The following CYFIP2 variants were observed in gnomAD, a reference collection of about 807,000 sequenced individuals.
CYFIP2 encodes cytoplasmic FMR1 interacting protein 2, also known as cytoplasmic FMR1-interacting protein 2.
Under a neutral mutation model 158.7 loss-of-function variants are expected in CYFIP2, and 29 were observed. The ratio of observed to expected loss-of-function variants is 0.18; its 90% CI spans 0.14 to 0.25. CYFIP2 has a LOEUF of 0.25. Among genes scored for constraint, CYFIP2 ranks in the 10% least tolerant of loss-of-function variants. The pLI is 1.00. For synonymous variants in CYFIP2, 585 were observed against 617.6 expected, an observed-to-expected ratio of 0.95 and a Z score of 0.78; for missense variants, 852 against 1,639.5, an observed-to-expected ratio of 0.52 and a Z score of 8.29.
chr5:157,302,708 T>C, intron 6 of CYFIP2, 86 bp from the exon 7 acceptor site: 1 of 953,112 alleles, frequency 1.0e-6, no homozygotes, highest in South Asian at 1.6e-5. Context: ...CACTCTGTGT[T>C]AGGTGGGCAT....
chr5:157,302,867 G>T lies in CYFIP2; in HGVS notation c.643G>T (p.Ala215Ser). 1 of 1,582,024 alleles carries T rather than the reference G, an allele frequency of 6.3e-7. No homozygotes were observed. Among genetic ancestry groups the T allele is most frequent in the Non-Finnish European group, 8.6e-7 (1 of 1,163,712 alleles). The change falls in exon 7 of 31, where the codon GCC becomes TCC. Residue 215 changes from alanine (A) to serine (S), a missense_variant. This residue lies in a region of CYFIP2 where 123 missense variants were observed against 316.7 expected (regional missense o/e 0.39). Coordinates refer to ENST00000620254, the MANE Select transcript of CYFIP2 (RefSeq NM_001037333.3). ...QESQNLSMFLANHNRITQCLH... is the reference protein window; with the variant it reads ...QESQNLSMFLSNHNRITQCLH... ...GTCGCAGAACCTTTCCATGTTCCTG[G>T]CCAACCACAACAGGATCACCCAGGT...
intron 26 of CYFIP2, among the ~76,000 whole-genome samples, chr5:157,366,322 G>A (rs1764369310): frequency 1.3e-5 from 2 of 152,202 alleles, no homozygotes; most frequent in African/African-American, 4.8e-5. Context: ...ATGGATACAT[G>A]TATTGCAGAT....
intron 15 of CYFIP2, 142 bp downstream of exon 15, chr5:157,320,944 T>C (rs1760547702): frequency 1.9e-6 from 2 of 1,075,776 alleles, no homozygotes; most frequent in South Asian, 3.7e-5. Flanking sequence ...CCGGTCTTAT[T>C]CTGCCATCTT....
At chr5:157,327,943 C>G (rs775922557) in intron 18 of CYFIP2, 30 bp from the exon 19 acceptor site, 18 of 1,608,200 alleles carry the variant, frequency 1.1e-5, no homozygotes, top group Non-Finnish European at 1.5e-5. Flanking sequence ...GAACGGGCAC[C>G]AGTGATGTTT....
chr5:157,349,581 C>T (rs746486294), intron 23 of CYFIP2, among the ~76,000 whole-genome samples: 3 of 152,168 alleles, frequency 2.0e-5, no homozygotes, highest in South Asian at 2.1e-4. Flanking sequence ...TATAAACATG[C>T]GTGTGCAATA....
intron 3 of CYFIP2, 129 bp downstream of exon 3, chr5:157,287,237 G>A (rs1561691744): frequency 4.5e-6 from 3 of 669,254 alleles, no homozygotes; most frequent in Non-Finnish European, 7.9e-6. Flanking sequence ...AGAATCATCT[G>A]CTTAAGCCCA....
intron 7 of CYFIP2, among the ~76,000 whole-genome samples, 185 bp from the exon 8 acceptor site, chr5:157,304,053 G>A (rs1209732855): frequency 1.3e-5 from 2 of 152,308 alleles, no homozygotes; most frequent in Admixed American, 1.3e-4. Flanking sequence ...CAGGAGTACT[G>A]TGGGGACATC....
chr5:157,300,509 T>C (rs995082124), intron 5 of CYFIP2, among the ~76,000 whole-genome samples: 34 of 145,636 alleles, frequency 2.3e-4, no homozygotes, highest in African/African-American at 8.5e-4. Context: ...CACTCCAGCC[T>C]GGTGACGAAG....
chr5:157,346,307 C>CA (rs1288770779), intron 23 of CYFIP2, among the ~76,000 whole-genome samples: 1 of 152,134 alleles, frequency 6.6e-6, no homozygotes, highest in Non-Finnish European at 1.5e-5. Flanking sequence ...AATGCCCCCC[C>CA]AAAATACATA....
chr5:157,390,512 T>C lies in CYFIP2; in HGVS notation c.3447-9T>C, dbSNP rs751086149. On this transcript the variant is annotated splice_polypyrimidine_tract_variant and intron_variant, in intron 29 of 30. Transcript: ENST00000620254. ...TCTCACTCCAGCTGCTTCCTCCCCC[T>C]GCTCCCAGGCAGTGTTTCGGCGATG... is the stretch of plus-strand genomic sequence containing the variant. 2 of 1,298,376 alleles carry C rather than the reference T, an allele frequency of 1.5e-6. No individual in the cohort carries two copies. Among genetic ancestry groups the C allele is most frequent in the South Asian group, 2.5e-5 (2 of 80,462 alleles). 80.4% of individuals were successfully genotyped at this position (1,298,376 alleles called of 1,614,324 possible). A position where few individuals can be genotyped will look rare whatever the true frequency, so the allele number is the denominator to read the frequency against.
rs144155831 is a variant in CYFIP2, at chr5:157,346,865, C to T, written c.2673+5708C>T. Reference sequence around the variant, plus strand: ...TACTCCTGGATTGAATCATCCCCAGCGTTCCTTTCCTTTCAAGAATCCAGA... The same window carrying T: ...TACTCCTGGATTGAATCATCCCCAGTGTTCCTTTCCTTTCAAGAATCCAGA... On this transcript the variant is annotated intron_variant, in intron 23 of 30. Coordinates refer to ENST00000620254, the MANE Select transcript of CYFIP2 (RefSeq NM_001037333.3). Among the ~76,000 whole-genome samples, 7 of 152,236 alleles carry T rather than the reference C, an allele frequency of 4.6e-5. No individual in the cohort carries two copies. In the South Asian group the frequency reaches 6.2e-4, roughly 14 times the overall value.
intron 13 of CYFIP2, among the ~76,000 whole-genome samples, chr5:157,318,643 C>CATTT (rs544235924): frequency 7.9e-5 from 12 of 152,304 alleles, no homozygotes; most frequent in Non-Finnish European, 1.8e-4. Context: ...CTCATTCATT[C>CATTT]ATTTATTTGT....
intron 26 of CYFIP2, among the ~76,000 whole-genome samples, chr5:157,372,219 A>G (rs1466546065): frequency 6.6e-6 from 1 of 152,218 alleles, no homozygotes; most frequent in Non-Finnish European, 1.5e-5. Context: ...TCATATTAAG[A>G]AAATTTTAAA....
At chr5:157,372,469 C>T (rs547849911) in intron 26 of CYFIP2, among the ~76,000 whole-genome samples, 3 of 152,010 alleles carry the variant, frequency 2.0e-5, no homozygotes, top group Non-Finnish European at 2.9e-5. Context: ...GAAGTTGAAG[C>T]GGGGGACATA....
chr5:157,369,127 A>ACC (rs1764735770), intron 26 of CYFIP2, among the ~76,000 whole-genome samples: 2 of 151,968 alleles, frequency 1.3e-5, no homozygotes, highest in South Asian at 4.2e-4. Flanking sequence ...CTAACTTCTG[A>ACC]CCTCAAGTGA....
rs1767620871 is a variant in CYFIP2, at chr5:157,394,862, G to A, written c.*1862G>A. On this transcript the variant is annotated 3_prime_UTR_variant, in exon 31 of 31. Transcript: ENST00000620254. ...TTGATGACCATAGATGTGTTCCAGAGGCAAAAGAGACACATTATCCCAGAT... is the reference window on the plus strand; with the variant it reads ...TTGATGACCATAGATGTGTTCCAGAAGCAAAAGAGACACATTATCCCAGAT... The A allele has an allele frequency of 6.6e-6, 1 of 152,290 alleles. No homozygotes were observed. The highest frequency in any genetic ancestry group is 2.4e-5 in the African/African-American group (1 of 41,424). The allele number at this position is 152,290 out of a possible 1,614,324, so 9.4% of individuals were successfully genotyped here.
intron 1 of CYFIP2, among the ~76,000 whole-genome samples, chr5:157,270,486 C>G (rs1351534675): frequency 6.6e-6 from 1 of 152,260 alleles, no homozygotes; most frequent in African/African-American, 2.4e-5. Context: ...AGGGCTGACC[C>G]TCAGAGAAGA....
At chr5:157,309,568 G>A (rs17051931) in intron 9 of CYFIP2, among the ~76,000 whole-genome samples, 175 bp from the exon 10 acceptor site, 17,218 of 152,070 alleles carry the variant, frequency 0.11, 1,431 homozygotes, top group East Asian at 0.26. Flanking sequence ...GGACCTATAC[G>A]CTGGCTAGGG....
At chr5:157,342,016 G>A (rs1762304070) in intron 23 of CYFIP2, 1 of 152,556 alleles carries the variant, frequency 6.6e-6, no homozygotes, top group African/African-American at 2.4e-5. Flanking sequence ...GCTATATCAA[G>A]GAGAAAGACA....
Sources: gnomAD v4.1 joint callset for allele counts (sites outside exome capture counted in the v4.1 genomes callset) on GRCh38, gnomAD v4.1.1 for gene constraint, gnomAD v4.1.1 regional missense constraint, MANE v1.5 for transcripts, NCBI Gene and HGNC (gene_info 2026-07-23, HGNC 2026-07-21) for gene names.